NOX5: variants seen among roughly 807,000 people sequenced by gnomAD.
NOX5 encodes the protein NADPH oxidase 5.
A neutral mutation model predicts 85.7 loss-of-function variants in NOX5; 76 were observed. The observed-to-expected ratio is 0.89, with a 90% CI of 0.74 to 1.07. The LOEUF (loss-of-function observed/expected upper bound fraction) is 1.07. Among genes scored for constraint, NOX5 ranks in the 50% least tolerant of loss-of-function variants. The pLI is 0.00. For missense variants in NOX5, 973 were observed against 999.5 expected (o/e 0.97, Z 0.36); for synonymous variants, 405 against 401.4 (o/e 1.01, Z -0.11).
rs781620530 is a variant in NOX5 at position 69,055,447 on chromosome 15, T to C, written c.2113T>C (p.Ser705Pro). The C allele has an allele frequency of 2.4e-5, 39 of 1,614,014 alleles. No individual in the cohort carries two copies. Among genetic ancestry groups the C allele is most frequent in the Non-Finnish European group, 3.3e-5 (39 of 1,180,032 alleles). The change falls in exon 15 of 16, where the codon TCC (serine) becomes CCC (proline). Residue 705 changes from serine (S) to proline (P), a missense_variant. Transcript: ENST00000388866. ...CCTGGCCAACAAGGAGAAGAAAGAC[T>C]CCATCACGGGGCTGCAGACGCGCAC... Reference protein sequence around the residue: ...DLLANKEKKDSITGLQTRTQP... With the variant: ...DLLANKEKKDPITGLQTRTQP...
At chr15:69,031,914 C>T (rs1324839070) in intron 4 of NOX5, 102 bp downstream of exon 4, 18 of 1,223,694 alleles carry the variant, frequency 1.5e-5, no homozygotes, top group Non-Finnish European at 1.9e-5. Flanking sequence ...CCCTACCCCG[C>T]CCTGCCCCGC....
rs1373592823 is a variant in NOX5 at position 69,046,842 on chromosome 15, G to A, written c.1668G>A (p.Glu556=). Residue 556 remains glutamate (E), a synonymous_variant, in exon 11 of 16, where the codon GAG becomes GAA. Transcript: ENST00000388866. The part of the protein sequence containing the change: ...RSSKGSEILL[E]KHKFCNIKCY... Reference sequence around the variant, plus strand: ...TGCAGGGCTCTGAGATACTTTTGGAGAAACACAAATTCTGTAACATCAAGG... The same window carrying A: ...TGCAGGGCTCTGAGATACTTTTGGAAAAACACAAATTCTGTAACATCAAGG... 3.1e-6 allele frequency: 5 copies of A among 1,613,712 alleles called. No homozygotes were observed. Among genetic ancestry groups the A allele is most frequent in the Non-Finnish European group, 4.2e-6 (5 of 1,179,796 alleles).
At chr15:69,037,327 C>A in intron 8 of NOX5, 117 bp downstream of exon 8, 1 of 1,043,508 alleles carries the variant, frequency 9.6e-7, no homozygotes, top group Non-Finnish European at 1.4e-6. Flanking sequence ...AGTGTAGCTG[C>A]AGCCCCATTG....
Position 69,028,230 on chromosome 15 carries a change from C to A in NOX5, c.190C>A (p.Arg64=), listed in dbSNP as rs767133281. The A allele has an allele frequency of 6.2e-7, 1 of 1,607,546 alleles. No homozygotes were observed. The highest frequency in any genetic ancestry group is 8.5e-7 in the Non-Finnish European group (1 of 1,176,936). Residue 64 remains arginine, a synonymous_variant, in exon 3 of 16, where the codon CGA becomes AGA. Coordinates refer to ENST00000388866, the MANE Select transcript of NOX5 (RefSeq NM_024505.4). ...LHVKESFFAE[R]FFALFDSDRS... The stretch of plus-strand genomic sequence containing the variant: ...TCGCCCACAGTCCTTCTTTGCAGAG[C>A]GATTCTTTGCCCTATTTGACTCCGA...
intron 14 of NOX5, among the ~76,000 whole-genome samples, chr15:69,055,032 A>G (rs987605325): frequency 4.6e-5 from 7 of 152,240 alleles, no homozygotes; most frequent in African/African-American, 1.4e-4. Flanking sequence ...CCTGAGCAAC[A>G]TAGTGAAATC....
rs2050861970 is a variant in NOX5 at position 69,060,535 on chromosome 15, A to G, written c.*3839A>G. ...CATTTCTAAAAGGATACATGAAAGT[A>G]TATTTATCTGTGTGCTCTGGGGAGT... On this transcript the variant is annotated 3_prime_UTR_variant, in exon 16 of 16. Coordinates refer to ENST00000388866, the MANE Select transcript of NOX5 (RefSeq NM_024505.4). 1 of 152,242 alleles carries G rather than the reference A, an allele frequency of 6.6e-6. No individual in the cohort carries two copies. Among genetic ancestry groups the G allele is most frequent in the African/African-American group, 2.4e-5 (1 of 41,476 alleles). The allele number at this position is 152,242 out of a possible 1,614,324, so 9.4% of individuals were successfully genotyped here.
intron 13 of NOX5, among the ~76,000 whole-genome samples, chr15:69,048,207 A>G (rs1031343924): frequency 6.6e-6 from 1 of 152,228 alleles, no homozygotes; most frequent in Non-Finnish European, 1.5e-5. Flanking sequence ...CCATGATGCT[A>G]CCTATCCATG....
chr15:69,034,155 C>T lies in NOX5; in HGVS notation c.855+878C>T, dbSNP rs138162055. Among the ~76,000 whole-genome samples, 306 of 152,252 alleles carry T rather than the reference C, an allele frequency of 2.0e-3. 3 individuals carry two copies. The highest frequency in any genetic ancestry group is 4.4e-3 in the Admixed American group (67 of 15,298). ...GGGATGCCCATCTCTAGCTCAGATA[C>T]GCTTCTGGATATGAGCTTCTCATTA... is the stretch of plus-strand genomic sequence containing the variant. On this transcript the variant is annotated intron_variant, in intron 5 of 15. Transcript: ENST00000388866.
rs117918211 is a variant in NOX5, at chr15:69,045,795, C to T, written c.1648-1027C>T. Reference sequence around the variant, plus strand: ...CATTAGCCAGAATGGAAGGCTTTCTCGTTGCCATCAGAAGGACTAAAGAAA... The same window carrying T: ...CATTAGCCAGAATGGAAGGCTTTCTTGTTGCCATCAGAAGGACTAAAGAAA... On this transcript the variant is annotated intron_variant, in intron 10 of 15. Coordinates refer to ENST00000388866, the MANE Select transcript of NOX5 (RefSeq NM_024505.4). 1.1e-4 allele frequency among the ~76,000 whole-genome samples: 16 copies of T among 152,168 alleles called. No homozygotes were observed. In the East Asian group the frequency reaches 2.5e-3, roughly 24 times the overall value.
rs1392117804 is a variant in NOX5 at position 69,061,828 on chromosome 15, G to A, written c.*5132G>A. ...CTGCTGGAGAAACAAAGAAAGACAG[G>A]TAGTGAGTTTTAGTGTGGCAGGGAA... On this transcript the variant is annotated 3_prime_UTR_variant, in exon 16 of 16. Transcript: ENST00000388866. The A allele has an allele frequency of 2.0e-5, 3 of 152,160 alleles. No individual in the cohort carries two copies. Among genetic ancestry groups the A allele is most frequent in the Non-Finnish European group, 4.4e-5 (3 of 68,024 alleles). The allele number at this position is 152,160 out of a possible 1,614,324, so 9.4% of individuals were successfully genotyped here.
chr15:69,047,537 G>C lies in NOX5; in HGVS notation c.1817G>C (p.Arg606Thr). The C allele has an allele frequency of 6.2e-7, 1 of 1,613,502 alleles. No homozygotes were observed. The highest frequency in any genetic ancestry group is 1.1e-5 in the South Asian group (1 of 90,978). ...FASILQSIMY[R>T]HQKRKHTCPS... ...TCCATTCTGCAGAGTATCATGTACAGGTGGGTGAACAGTGTGCTCCTGCCT... is the reference window on the plus strand; with the variant it reads ...TCCATTCTGCAGAGTATCATGTACACGTGGGTGAACAGTGTGCTCCTGCCT... The change falls in exon 12 of 16, where the codon AGG (arginine) becomes ACG (threonine). Residue 606 changes from arginine (R) to threonine (T), a missense_variant and splice_region_variant. Physicochemically the swap from Arg to Thr is moderately conservative, Grantham distance 71. Transcript: ENST00000388866.
rs2050863823 is a variant in NOX5 at position 69,060,783 on chromosome 15, G to A, written c.*4087G>A. 6.6e-6 allele frequency: 1 copy of A among 152,182 alleles called. No individual in the cohort carries two copies. The highest frequency in any genetic ancestry group is 6.5e-5 in the Admixed American group (1 of 15,280). 9.4% of individuals were successfully genotyped at this position (152,182 alleles called of 1,614,324 possible). On this transcript the variant is annotated 3_prime_UTR_variant, in exon 16 of 16. Transcript: ENST00000388866. ...AAATGACATATGTATATCATGTGGG[G>A]ATAAATAGATAAAAATACACGGAAA...
intron 4 of NOX5, 121 bp from the exon 5 acceptor site, chr15:69,032,922 G>T: frequency 1.5e-6 from 2 of 1,374,128 alleles, no homozygotes; most frequent in East Asian, 5.4e-5. Context: ...TTCCTGGTGT[G>T]AAGAAAGCCG....
In NOX5 at chr15:69,028,513, TC is replaced by T. The variant is rs1167449915; in HGVS notation, c.325+150del. On this transcript the variant is annotated intron_variant, in intron 3 of 15. Coordinates refer to ENST00000388866, the MANE Select transcript of NOX5 (RefSeq NM_024505.4). Reference sequence around the variant, plus strand: ...GGTTTCTCCAGGTGAGGCTGACACTTCCTTTCCTCACATCTCTCTCCCAGTC... The same window carrying T: ...GGTTTCTCCAGGTGAGGCTGACACTTCTTTCCTCACATCTCTCTCCCAGTC... 5.0e-5 allele frequency: 31 copies of T among 624,050 alleles called. No homozygotes were observed. In the East Asian group the frequency reaches 8.0e-4, roughly 16 times the overall value. 38.7% of individuals were successfully genotyped at this position (624,050 alleles called of 1,614,324 possible). A position where few individuals can be genotyped will look rare whatever the true frequency, so the allele number is the denominator to read the frequency against.
intron 1 of NOX5, among the ~76,000 whole-genome samples, chr15:69,016,870 C>T (rs377595960): frequency 6.6e-6 from 1 of 151,986 alleles, no homozygotes; most frequent in Non-Finnish European, 1.5e-5. Flanking sequence ...AATCTAATCC[C>T]CTCAGCCATC....
chr15:69,024,946 ATTCT>A (rs2050338273), intron 1 of NOX5, among the ~76,000 whole-genome samples: 1 of 152,082 alleles, frequency 6.6e-6, no homozygotes, highest in Non-Finnish European at 1.5e-5. Context: ...TATGTATTTC[ATTCT>A]TTGTCTAGTT....
chr15:69,054,714 G>T (rs1464897513), intron 14 of NOX5, among the ~76,000 whole-genome samples: 3 of 152,162 alleles, frequency 2.0e-5, no homozygotes, highest in Non-Finnish European at 2.9e-5. Context: ...AAGCAGCTCT[G>T]TCTGCATCAG....
At chr15:69,030,379 G>T (rs1426253552) in intron 3 of NOX5, 2 of 152,162 alleles carry the variant, frequency 1.3e-5, no homozygotes, top group East Asian at 3.9e-4. Flanking sequence ...TTGCTGCCCT[G>T]GTGCCAGAGG....
At position 69,028,231 on chromosome 15, in the gene NOX5, G is replaced by A. The variant is rs754404114; in HGVS notation, c.191G>A (p.Arg64Gln). 4.8e-5 allele frequency: 78 copies of A among 1,608,282 alleles called. No homozygotes were observed. In the South Asian group the frequency reaches 5.9e-4, roughly 12 times the overall value. Residue 64 changes from arginine to glutamine, a missense_variant, in exon 3 of 16, where the codon CGA becomes CAA. Arg to Gln is a conservative substitution (Grantham distance 43). Coordinates refer to ENST00000388866, the MANE Select transcript of NOX5 (RefSeq NM_024505.4). Reference protein sequence around the residue: ...LHVKESFFAERFFALFDSDRS... With the variant: ...LHVKESFFAEQFFALFDSDRS... ...CGCCCACAGTCCTTCTTTGCAGAGCGATTCTTTGCCCTATTTGACTCCGAT... is the reference window on the plus strand; with the variant it reads ...CGCCCACAGTCCTTCTTTGCAGAGCAATTCTTTGCCCTATTTGACTCCGAT...
Sources: allele counts gnomAD v4.1 joint callset (sites outside exome capture counted in the v4.1 genomes callset), GRCh38; gene constraint gnomAD v4.1.1; transcripts MANE v1.5; gene names NCBI Gene and HGNC (gene_info 2026-07-23, HGNC 2026-07-21).